Variants in GABRB3 observed in about 807,000 individuals in gnomAD.
GABRB3 encodes gamma-aminobutyric acid type A receptor subunit beta3.
In GABRB3, 14 loss-of-function variants were observed where a neutral mutation model predicts 52.1. That is an observed-to-expected ratio of 0.27 (90% CI 0.18 to 0.42). GABRB3 has a LOEUF of 0.42. GABRB3 is among the 10% of genes least tolerant of loss of function. GABRB3 has a pLI of 1.00. For missense variants in GABRB3, 307 were observed against 609.1 expected (o/e 0.50, Z 5.22); for synonymous variants, 260 against 232.3 (o/e 1.12, Z -1.08).
chr15:26,754,809 T>A (rs1890612694), intron 3 of GABRB3, among the ~76,000 whole-genome samples: 1 of 152,040 alleles, frequency 6.6e-6, no homozygotes, highest in South Asian at 2.1e-4. Context: ...TGATGATGGG[T>A]TCCTCTCAGT....
At chr15:26,664,524 T>C (rs1722346381) in intron 3 of GABRB3, among the ~76,000 whole-genome samples, 2 of 151,978 alleles carry the variant, frequency 1.3e-5, no homozygotes, top group Non-Finnish European at 2.9e-5. Flanking sequence ...AAAGAAATCA[T>C]TTTTTTGCAT....
At chr15:26,548,350 AAG>A (rs1386327790) in intron 8 of GABRB3, among the ~76,000 whole-genome samples, 1 of 152,206 alleles carries the variant, frequency 6.6e-6, no homozygotes, top group Non-Finnish European at 1.5e-5. Flanking sequence ...ATGCTCATGT[AAG>A]AGATTAGATG....
At chr15:26,769,959 T>C (rs1009091838) in intron 3 of GABRB3, among the ~76,000 whole-genome samples, 7 of 121,212 alleles carry the variant, frequency 5.8e-5, no homozygotes, top group African/African-American at 2.2e-4. Context: ...TTAATAAAGC[T>C]CATGAATAGA....
chr15:26,543,884 G>A lies in GABRB3; in HGVS notation c.*3909C>T, dbSNP rs1188405277. 6.6e-6 allele frequency: 1 copy of A among 152,592 alleles called. No individual in the cohort carries two copies. The highest frequency in any genetic ancestry group is 2.4e-5 in the African/African-American group (1 of 41,436). 9.5% of individuals were successfully genotyped at this position (152,592 alleles called of 1,614,324 possible). A position where few individuals can be genotyped will look rare whatever the true frequency, so the allele number is the denominator to read the frequency against. ...GGCATACGGGAGCCACTCTCTGGAA[G>A]GTCATTGTTTACCCAGGTGTTGGGA... is the stretch of plus-strand genomic sequence containing the variant. On this transcript the variant is annotated 3_prime_UTR_variant, in exon 9 of 9. Transcript: ENST00000311550.
At chr15:26,558,811 C>T (rs1352720248) in intron 8 of GABRB3, among the ~76,000 whole-genome samples, 1 of 151,260 alleles carries the variant, frequency 6.6e-6, no homozygotes, top group Non-Finnish European at 1.5e-5. Context: ...ACACTCCAGC[C>T]TGGGCAACAA....
At chr15:26,632,656 T>C (rs1014044656) in intron 3 of GABRB3, among the ~76,000 whole-genome samples, 4 of 152,198 alleles carry the variant, frequency 2.6e-5, no homozygotes, top group African/African-American at 9.7e-5. Context: ...AAACTGTTCA[T>C]GCAGGTGCTT....
Position 26,606,604 on chromosome 15 carries a change from C to A in GABRB3, c.461+14710G>T, listed in dbSNP as rs536079708. Among the ~76,000 whole-genome samples, 4 of 152,114 alleles carry A rather than the reference C, an allele frequency of 2.6e-5. No individual in the cohort carries two copies. In the East Asian group the frequency reaches 7.7e-4, roughly 29 times the overall value. Reference sequence around the variant, plus strand: ...TAAGATATTGAGCAAGAAAGCTATGCCTACTTTTACCACTTTAATTCAACA... The same window carrying A: ...TAAGATATTGAGCAAGAAAGCTATGACTACTTTTACCACTTTAATTCAACA... On this transcript the variant is annotated intron_variant, in intron 4 of 8. Coordinates refer to ENST00000311550, the MANE Select transcript of GABRB3 (RefSeq NM_000814.6).
At chr15:26,588,982 A>C (rs1158757437) in intron 4 of GABRB3, among the ~76,000 whole-genome samples, 1 of 152,192 alleles carries the variant, frequency 6.6e-6, no homozygotes, top group African/African-American at 2.4e-5. Flanking sequence ...TAAGTGTAAA[A>C]TCATATTTTG....
intron 4 of GABRB3, among the ~76,000 whole-genome samples, chr15:26,594,685 C>T (rs1326802625): frequency 6.6e-6 from 1 of 152,004 alleles, no homozygotes; most frequent in Non-Finnish European, 1.5e-5. Flanking sequence ...TTATTATTTA[C>T]TTATTTATTT....
At chr15:26,612,417 A>G (rs1892104991) in intron 4 of GABRB3, 1 of 152,226 alleles carries the variant, frequency 6.6e-6, no homozygotes, top group Non-Finnish European at 1.5e-5. Context: ...ACTTAAAGGT[A>G]GTTATATACA....
chr15:26,573,492 A>G (rs916609189), intron 6 of GABRB3, among the ~76,000 whole-genome samples: 2 of 152,196 alleles, frequency 1.3e-5, no homozygotes, highest in African/African-American at 4.8e-5. Context: ...ATTGAACCAT[A>G]TAACAGTGCA....
chr15:26,772,588 G>C (rs1486216530), intron 2 of GABRB3, 93 bp downstream of exon 2: 1 of 1,427,700 alleles, frequency 7.0e-7, no homozygotes, highest in African/African-American at 1.5e-5. Flanking sequence ...CCCACCCGCC[G>C]CTGCTCCGCG....
Position 26,766,494 on chromosome 15 carries a change from C to T in GABRB3, c.240+5908G>A, listed in dbSNP as rs562659535. Among the ~76,000 whole-genome samples the T allele has an allele frequency of 4.4e-4, 67 of 152,202 alleles. 1 individual carries two copies. The highest frequency in any genetic ancestry group is 7.2e-4 in the Admixed American group (11 of 15,282). On this transcript the variant is annotated intron_variant, in intron 3 of 8. Coordinates refer to ENST00000311550, the MANE Select transcript of GABRB3 (RefSeq NM_000814.6). ...ATGCATTTCATTAAAAGAACACTAC[C>T]CTCCTCATTAACATCTACTCCATTC...
At chr15:26,649,658 C>CTGTGTG (rs57833685) in intron 3 of GABRB3, among the ~76,000 whole-genome samples, 6,368 of 130,012 alleles carry the variant, frequency 0.049, 210 homozygotes, top group Middle Eastern at 0.087. Flanking sequence ...AGAGCCAAGG[C>CTGTGTG]TGTGTGTGTG....
At chr15:26,773,569 C>T (rs1247694091), upstream of GABRB3, 40 of 1,233,440 alleles carry the variant, frequency 3.2e-5, no homozygotes, top group Non-Finnish European at 4.5e-5. Context: ...CCCCGGGTGC[C>T]GCGCCTCTGC....
intron 3 of GABRB3, among the ~76,000 whole-genome samples, chr15:26,761,974 A>T (rs1327794003): frequency 1.3e-5 from 2 of 152,138 alleles, no homozygotes; most frequent in African/African-American, 4.8e-5. Context: ...CTGGGATTAC[A>T]GGAGAGTGCA....
At position 26,669,182 on chromosome 15, in the gene GABRB3, C is replaced by A. The variant is rs1452369263; in HGVS notation, c.241-47648G>T. Among the ~76,000 whole-genome samples, 8 of 152,262 alleles carry A rather than the reference C, an allele frequency of 5.3e-5. No individual in the cohort carries two copies. In the East Asian group the frequency reaches 1.2e-3, roughly 22 times the overall value. ...CCCACCTCTCAAACCCCTGGTGTATCTGCTCTGTGACCCCCACAGAATCCT... is the reference window on the plus strand; with the variant it reads ...CCCACCTCTCAAACCCCTGGTGTATATGCTCTGTGACCCCCACAGAATCCT... On this transcript the variant is annotated intron_variant, in intron 3 of 8. Transcript: ENST00000311550.
chr15:26,653,252 C>G (rs894156912), intron 3 of GABRB3, among the ~76,000 whole-genome samples: 1 of 152,132 alleles, frequency 6.6e-6, no homozygotes, highest in Non-Finnish European at 1.5e-5. Flanking sequence ...AGGAGTCATG[C>G]AGAAAGAGGC....
rs529392250 is a variant in GABRB3, at chr15:26,765,976, T to G, written c.240+6426A>C. Among the ~76,000 whole-genome samples, 151 of 152,302 alleles carry G rather than the reference T, an allele frequency of 9.9e-4. 1 individual carries two copies. Among genetic ancestry groups the G allele is most frequent in the African/African-American group, 3.5e-3 (147 of 41,564 alleles). On this transcript the variant is annotated intron_variant, in intron 3 of 8. Transcript: ENST00000311550. The stretch of plus-strand genomic sequence containing the variant: ...AGAGTAAGAAAGTCGGTGCTATTTC[T>G]GAGCCTATTTCCTCATCTAAAAAAA...
Sources: allele counts gnomAD v4.1 joint callset (sites outside exome capture counted in the v4.1 genomes callset), GRCh38; gene constraint gnomAD v4.1.1; transcripts MANE v1.5; gene names NCBI Gene and HGNC (gene_info 2026-07-23, HGNC 2026-07-21).